RAB20: variants seen among roughly 807,000 people sequenced by gnomAD.
The protein encoded by RAB20 is RAB20, member RAS oncogene family.
RAB20 carries 2 observed loss-of-function variants against 3.7 expected under a neutral mutation model. That is an observed-to-expected ratio of 0.54 (90% CI 0.22 to 1.69). The LOEUF is 1.69. RAB20 is among the 40% of genes most tolerant of loss of function. RAB20 has a pLI of 0.19. For synonymous variants in RAB20, 126 were observed against 130.8 expected (o/e 0.96, Z 0.25); for missense variants, 276 against 311.9 (o/e 0.88, Z 0.87).
chr13:110,558,741 C>T (rs1313108079), intron 1 of RAB20, among the ~76,000 whole-genome samples: 7 of 136,010 alleles, frequency 5.1e-5, no homozygotes, highest in African/African-American at 8.3e-5. Context: ...GCTCTGTCAC[C>T]GGGTTGGAGT....
At position 110,523,467 on chromosome 13, in the gene RAB20, C is replaced by A; in HGVS notation, c.*198G>T. ...AGGATTCCTGTTTCCCACCTCCCCA[C>A]CCCTCTGACAGAGACTGAGGAGACC... On this transcript the variant is annotated 3_prime_UTR_variant, in exon 2 of 2. Coordinates refer to ENST00000267328, the MANE Select transcript of RAB20 (RefSeq NM_017817.3). 9.5e-7 allele frequency: 1 copy of A among 1,055,948 alleles called. No homozygotes were observed. The highest frequency in any genetic ancestry group is 1.3e-6 in the Non-Finnish European group (1 of 756,132). The allele number at this position is 1,055,948 out of a possible 1,614,324, so 65.4% of individuals were successfully genotyped here.
At chr13:110,534,980 T>G (rs1884613766) in intron 1 of RAB20, among the ~76,000 whole-genome samples, 1 of 150,112 alleles carries the variant, frequency 6.7e-6, no homozygotes, top group Non-Finnish European at 1.5e-5. Context: ...ACTACAGGTG[T>G]GTACCACCAC....
intron 1 of RAB20, among the ~76,000 whole-genome samples, chr13:110,534,075 G>A (rs1293773985): frequency 2.6e-5 from 4 of 152,228 alleles, no homozygotes; most frequent in African/African-American, 9.6e-5. Context: ...CACTAGCCTG[G>A]ACATGGCTGG....
intron 1 of RAB20, among the ~76,000 whole-genome samples, chr13:110,537,733 GC>G (rs34872366): frequency 0.34 from 51,963 of 151,616 alleles, 10,036 homozygotes; most frequent in African/African-American, 0.53. Flanking sequence ...ACGCCCTTGA[GC>G]CCTCACTATG....
intron 1 of RAB20, among the ~76,000 whole-genome samples, chr13:110,536,986 G>GT (rs147636207): frequency 2.3e-4 from 25 of 109,560 alleles, no homozygotes; most frequent in Admixed American, 5.7e-4. Context: ...GTGTCCAAGT[G>GT]TTTTTTTTTG....
intron 1 of RAB20, among the ~76,000 whole-genome samples, chr13:110,558,315 G>A (rs1455659015): frequency 6.6e-6 from 1 of 151,766 alleles, no homozygotes; most frequent in African/African-American, 2.4e-5. Flanking sequence ...GGCATAATGA[G>A]ACAAGGTGAG....
intron 1 of RAB20, among the ~76,000 whole-genome samples, chr13:110,543,225 C>T (rs1016492181): frequency 2.0e-5 from 3 of 152,066 alleles, no homozygotes; most frequent in African/African-American, 7.2e-5. Flanking sequence ...TAACCTCAAA[C>T]TCAAGCGATC....
Position 110,555,932 on chromosome 13 carries a change from A to G in RAB20, c.172+5416T>C, listed in dbSNP as rs569701297. ...CCCTTTGTAACATGCCTGCTGGTGT[A>G]ACCTCAGTGACAGGCACCCAAGGCC... On this transcript the variant is annotated intron_variant, in intron 1 of 1. Transcript: ENST00000267328. The surrounding 1 kb of genome is among the most constrained non-coding windows in gnomAD (Gnocchi z 4.0). 2.0e-5 allele frequency among the ~76,000 whole-genome samples: 3 copies of G among 152,312 alleles called. No homozygotes were observed. The highest frequency in any genetic ancestry group is 4.4e-5 in the Non-Finnish European group (3 of 68,030).
chr13:110,561,717 C>G lies in RAB20; in HGVS notation c.-198G>C. Reference sequence around the variant, plus strand: ...TGCGCGCCCGGGAAGGAGCTGGGTGCAGAGCACGGAGCCCACGTCGGGGGC... The same window carrying G: ...TGCGCGCCCGGGAAGGAGCTGGGTGGAGAGCACGGAGCCCACGTCGGGGGC... On this transcript the variant is annotated 5_prime_UTR_variant, in exon 1 of 2. Coordinates refer to ENST00000267328, the MANE Select transcript of RAB20 (RefSeq NM_017817.3). 2 of 956,146 alleles carry G rather than the reference C, an allele frequency of 2.1e-6. No individual in the cohort carries two copies. The highest frequency in any genetic ancestry group is 2.8e-6 in the Non-Finnish European group (2 of 724,526). The allele number at this position is 956,146 out of a possible 1,614,324, so 59.2% of individuals were successfully genotyped here. A position where few individuals can be genotyped will look rare whatever the true frequency, so the allele number is the denominator to read the frequency against.
intron 1 of RAB20, among the ~76,000 whole-genome samples, chr13:110,558,906 C>T (rs780963933): frequency 9.3e-5 from 14 of 150,922 alleles, no homozygotes; most frequent in Non-Finnish European, 1.5e-4. Context: ...CCATGTTAGC[C>T]AGGATGGTCT....
In RAB20 at chr13:110,561,374, T is replaced by C. The variant is rs1040493667; in HGVS notation, c.146A>G (p.Tyr49Cys). ...TGCGGTGTCCCAGATGGAGATGTTG[T>C]AGGAGCGCCACTGCTTCAGGTAGAA... ...GAFYLKQWRSYNISIWDTAGR... is the reference protein window; with the variant it reads ...GAFYLKQWRSCNISIWDTAGR... Residue 49 changes from tyrosine to cysteine, a missense_variant, in exon 1 of 2, where the codon TAC becomes TGC. Tyr to Cys is a radical substitution (Grantham distance 194). Transcript: ENST00000267328. The C allele has an allele frequency of 6.2e-7, 1 of 1,608,458 alleles. No individual in the cohort carries two copies. Among genetic ancestry groups the C allele is most frequent in the Non-Finnish European group, 8.5e-7 (1 of 1,177,600 alleles).
intron 1 of RAB20, among the ~76,000 whole-genome samples, chr13:110,534,448 C>G (rs143355319): frequency 6.6e-6 from 1 of 152,222 alleles, no homozygotes; most frequent in Non-Finnish European, 1.5e-5. Context: ...GTGCTGCCAC[C>G]GTGATGTACG....
intron 1 of RAB20, among the ~76,000 whole-genome samples, chr13:110,551,030 G>A (rs148739093): frequency 1.2e-4 from 18 of 152,196 alleles, no homozygotes; most frequent in African/African-American, 4.1e-4. Flanking sequence ...TCAATACATC[G>A]CTAAGAAAAT....
At chr13:110,560,354 G>C (rs1594141999) in intron 1 of RAB20, among the ~76,000 whole-genome samples, 1 of 152,296 alleles carries the variant, frequency 6.6e-6, no homozygotes, top group East Asian at 1.9e-4. Context: ...ACCTCTGTGA[G>C]CTTCGTTAAT....
intron 1 of RAB20, among the ~76,000 whole-genome samples, chr13:110,541,731 T>C (rs937905691): frequency 6.6e-6 from 1 of 151,964 alleles, no homozygotes; most frequent in Non-Finnish European, 1.5e-5. Flanking sequence ...TCTGATCCCT[T>C]TAACCAAATC....
intron 1 of RAB20, among the ~76,000 whole-genome samples, chr13:110,542,409 C>T (rs1398532139): frequency 6.6e-6 from 1 of 152,186 alleles, no homozygotes; most frequent in Admixed American, 6.5e-5. Context: ...TGGGGCTCTA[C>T]ATTAGACCTC....
At chr13:110,547,691 G>A (rs1453178606) in intron 1 of RAB20, among the ~76,000 whole-genome samples, 6 of 152,128 alleles carry the variant, frequency 3.9e-5, no homozygotes, top group East Asian at 3.9e-4. Flanking sequence ...TACCTGCTAC[G>A]GTGCCAGAGA....
chr13:110,549,243 T>C (rs1181558541), intron 1 of RAB20, among the ~76,000 whole-genome samples: 1 of 152,242 alleles, frequency 6.6e-6, no homozygotes, highest in Non-Finnish European at 1.5e-5. Flanking sequence ...TGTGTTAGAA[T>C]ATAAGCTACT....
intron 1 of RAB20, among the ~76,000 whole-genome samples, chr13:110,526,189 C>T (rs117362620): frequency 1.3e-4 from 13 of 100,122 alleles, no homozygotes; most frequent in Middle Eastern, 5.2e-3. Context: ...GAGCTGGGAA[C>T]GACTGACAGC....
Sources: gnomAD v4.1 joint callset for allele counts (sites outside exome capture counted in the v4.1 genomes callset) on GRCh38, gnomAD v4.1.1 for gene constraint, Gnocchi (gnomAD v3.1) non-coding constraint, MANE v1.5 for transcripts, NCBI Gene and HGNC (gene_info 2026-07-23, HGNC 2026-07-21) for gene names.